Variants in JMJD1C observed in about 807,000 individuals in gnomAD.
JMJD1C encodes the protein jumonji domain-containing protein 1C.
JMJD1C carries 31 observed loss-of-function variants against 245.3 expected under a neutral mutation model. The observed-to-expected ratio is 0.13, with a 90% CI of 0.09 to 0.17. JMJD1C has a LOEUF of 0.17. JMJD1C is among the 10% of genes least tolerant of loss of function. The probability of loss-of-function intolerance (pLI) is 1.00; values close to 1 mark genes in which losing one functional copy is unlikely to be tolerated. For synonymous variants in JMJD1C, 1,057 were observed against 1,017.4 expected (o/e 1.04, Z -0.74); for missense variants, 2,691 against 3,000.2 (o/e 0.90, Z 2.41).
chr10:63,479,925 G>C (rs1953777888), intron 1 of JMJD1C, among the ~76,000 whole-genome samples: 2 of 152,152 alleles, frequency 1.3e-5, no homozygotes, highest in East Asian at 3.9e-4. Context: ...CCAAAAACAG[G>C]GAAGAGATTT....
intron 2 of JMJD1C, among the ~76,000 whole-genome samples, chr10:63,282,170 C>T (rs184963228): frequency 1.3e-5 from 2 of 152,172 alleles, no homozygotes; most frequent in Admixed American, 6.5e-5. Context: ...CAAGGCTCTA[C>T]AATTATTTCC....
intron 1 of JMJD1C, among the ~76,000 whole-genome samples, chr10:63,484,529 T>C: frequency 6.6e-6 from 1 of 152,058 alleles, no homozygotes; most frequent in Non-Finnish European, 1.5e-5. Flanking sequence ...GCCTTTGTGA[T>C]AGGATAATTT....
chr10:63,235,540 C>T (rs188149671), intron 3 of JMJD1C, among the ~76,000 whole-genome samples: 139 of 152,132 alleles, frequency 9.1e-4, no homozygotes, highest in African/African-American at 3.2e-3. Flanking sequence ...AACACAAAAC[C>T]AAAATTCAGT....
At chr10:63,465,402 C>G (rs1241533979) in intron 1 of JMJD1C, 93 bp downstream of exon 1, 12 of 1,305,434 alleles carry the variant, frequency 9.2e-6, no homozygotes, top group Non-Finnish European at 1.2e-5. Context: ...GTTGGCCGGG[C>G]TGAGCGAGGC....
At chr10:63,508,841 T>C (rs1411925216) in intron 1 of JMJD1C, among the ~76,000 whole-genome samples, 1 of 152,244 alleles carries the variant, frequency 6.6e-6, no homozygotes, top group Non-Finnish European at 1.5e-5. Flanking sequence ...ATTTTCTTGA[T>C]TCTTTTGAAT....
At position 63,465,610 on chromosome 10, in the gene JMJD1C, G is replaced by A. The variant is rs763876796; in HGVS notation, c.53C>T (p.Ala18Val). 1 of 1,609,938 alleles carries A rather than the reference G, an allele frequency of 6.2e-7. No homozygotes were observed. ...CTCCGAACGTGCCTCGTCGCCGACCGCCACACACAGGAACCGCTTACCCAC... is the reference window on the plus strand; with the variant it reads ...CTCCGAACGTGCCTCGTCGCCGACCACCACACACAGGAACCGCTTACCCAC... ...ELVGKRFLCV[A>V]VGDEARSERW... The change falls in exon 1 of 26, where the codon GCG becomes GTG. Residue 18 changes from alanine (A) to valine (V), a missense_variant. By Grantham distance (64) the Ala-to-Val change is moderately conservative. Transcript: ENST00000399262.
chr10:63,323,445 A>G (rs950387586), intron 2 of JMJD1C, among the ~76,000 whole-genome samples: 7 of 152,064 alleles, frequency 4.6e-5, no homozygotes, highest in African/African-American at 1.7e-4. Flanking sequence ...ACTTGAACCC[A>G]GGAGGCTGAG....
At chr10:63,502,607 A>C (rs1478235344) in intron 1 of JMJD1C, among the ~76,000 whole-genome samples, 1 of 141,122 alleles carries the variant, frequency 7.1e-6, no homozygotes, top group Admixed American at 7.6e-5. Context: ...ACTGCACTCC[A>C]GCCTGGGTGA....
chr10:63,396,787 C>T (rs564358903), intron 1 of JMJD1C, among the ~76,000 whole-genome samples: 1 of 151,530 alleles, frequency 6.6e-6, no homozygotes, highest in South Asian at 2.1e-4. Context: ...TGATATACTT[C>T]CTTAGATTCA....
At position 63,234,493 on chromosome 10, in the gene JMJD1C, T is replaced by TAAAAAAAAAAA. The variant is rs71025129; in HGVS notation, c.448-14521_448-14511dup. ...TCATCAACAGAGAGAAACCTCCTCT[T>TAAAAAAAAAAA]AAAAAAAAAAAAAAAAAAAAAAAAA... On this transcript the variant is annotated intron_variant, in intron 3 of 25. Coordinates refer to ENST00000399262, the MANE Select transcript of JMJD1C (RefSeq NM_032776.3). 4.1e-3 allele frequency among the ~76,000 whole-genome samples: 152 copies of TAAAAAAAAAAA among 36,966 alleles called. 4 individuals carry two copies. The highest frequency in any genetic ancestry group is 9.5e-3 in the African/African-American group (84 of 8,864). 24.3% of individuals were successfully genotyped at this position (36,966 alleles called of 152,430 possible). A position where few individuals can be genotyped will look rare whatever the true frequency, so the allele number is the denominator to read the frequency against.
chr10:63,374,941 G>C (rs1010544775), intron 2 of JMJD1C, among the ~76,000 whole-genome samples: 8 of 152,110 alleles, frequency 5.3e-5, no homozygotes, highest in African/African-American at 1.7e-4. Flanking sequence ...GGTTTTCTAA[G>C]TATAAGATTA....
At chr10:63,323,851 G>A (rs1482745497) in intron 2 of JMJD1C, among the ~76,000 whole-genome samples, 1 of 151,822 alleles carries the variant, frequency 6.6e-6, no homozygotes, top group Non-Finnish European at 1.5e-5. Context: ...TATATATATA[G>A]GCTCATTATC....
At chr10:63,241,849 G>C (rs530982859) in intron 3 of JMJD1C, among the ~76,000 whole-genome samples, 34 of 152,246 alleles carry the variant, frequency 2.2e-4, no homozygotes, top group African/African-American at 7.7e-4. Context: ...AATACCTAAA[G>C]TAGTACCTGA....
At chr10:63,515,824 T>C (rs921811224) in intron 1 of JMJD1C, among the ~76,000 whole-genome samples, 1 of 152,202 alleles carries the variant, frequency 6.6e-6, no homozygotes, top group Admixed American at 6.5e-5. Context: ...GTGCTTTGTA[T>C]ATGAAGATAT....
rs1215489693 is a variant in JMJD1C, at chr10:63,315,996, C to T, written c.334-51232G>A. ...TAAGCCCTGGCAAAATAGTGAGACC[C>T]CTGTCTCCTTAAAAAATAAAAAAAT... is the stretch of plus-strand genomic sequence containing the variant. On this transcript the variant is annotated intron_variant, in intron 2 of 25. Transcript: ENST00000399262. 2.0e-5 allele frequency among the ~76,000 whole-genome samples: 3 copies of T among 151,920 alleles called. No individual in the cohort carries two copies. In the East Asian group the frequency reaches 5.8e-4, roughly 29 times the overall value.
At chr10:63,329,976 C>A (rs190315011) in intron 2 of JMJD1C, among the ~76,000 whole-genome samples, 82 of 152,372 alleles carry the variant, frequency 5.4e-4, no homozygotes, top group African/African-American at 1.9e-3. Context: ...TCTAGGCTCA[C>A]TGCAACCTCC....
intron 3 of JMJD1C, among the ~76,000 whole-genome samples, chr10:63,223,366 TA>T (rs759694909): frequency 5.3e-5 from 8 of 151,970 alleles, no homozygotes; most frequent in Non-Finnish European, 8.8e-5. Context: ...TAGCTGGGAT[TA>T]CAGGCGCATA....
intron 2 of JMJD1C, among the ~76,000 whole-genome samples, chr10:63,283,292 TTGG>T (rs1197957079): frequency 6.6e-6 from 1 of 152,168 alleles, no homozygotes; most frequent in Non-Finnish European, 1.5e-5. Context: ...TTTTATAGCT[TTGG>T]TAACAATTGC....
chr10:63,209,349 T>C (rs1391616813), intron 8 of JMJD1C, 114 bp from the exon 9 acceptor site: 16 of 714,492 alleles, frequency 2.2e-5, no homozygotes, highest in Non-Finnish European at 2.9e-5. Flanking sequence ...TTCATTCAAA[T>C]AGCAGTTTCT....
Sources: allele counts gnomAD v4.1 joint callset (sites outside exome capture counted in the v4.1 genomes callset), GRCh38; gene constraint gnomAD v4.1.1; transcripts MANE v1.5; gene names NCBI Gene and HGNC (gene_info 2026-07-23, HGNC 2026-07-21).